The following MPND variants were observed in gnomAD, a reference collection of about 807,000 sequenced individuals.
MPND encodes the protein MPN domain-containing protein.
MPND carries 56 observed loss-of-function variants against 59.2 expected under a neutral mutation model. The observed-to-expected ratio is 0.95, with a 90% CI of 0.76 to 1.18. The LOEUF (loss-of-function observed/expected upper bound fraction) is 1.18, where lower values mean the gene tolerates loss of function less well. Ranked by LOEUF, MPND falls within the 50% of genes most tolerant of loss-of-function variation. MPND has a pLI of 0.00. For synonymous variants in MPND, 323 were observed against 291.9 expected (o/e 1.11, Z -1.09); for missense variants, 671 against 676.0 (o/e 0.99, Z 0.08).
At chr19:4,349,532 TG>T (rs1021190492) in intron 3 of MPND, among the ~76,000 whole-genome samples, 3 of 150,648 alleles carry the variant, frequency 2.0e-5, no homozygotes, top group Non-Finnish European at 4.4e-5. Context: ...TTTTTTGAGA[TG>T]GAGTGTCGCT....
In MPND at chr19:4,357,254, T is replaced by C; in HGVS notation, c.998T>C (p.Ile333Thr). 6.3e-7 allele frequency: 1 copy of C among 1,594,298 alleles called. No homozygotes were observed. Among genetic ancestry groups the C allele is most frequent in the South Asian group, 1.1e-5 (1 of 88,840 alleles). ...GCTGAGCTGCGCCTCTGTCCCCAGATCTACCAGAGCCTGTTCCTGCGGGGC... is the reference window on the plus strand; with the variant it reads ...GCTGAGCTGCGCCTCTGTCCCCAGACCTACCAGAGCCTGTTCCTGCGGGGC... Reference protein sequence around the residue: ...AETAAAIEEEIYQSLFLRGLS... With the variant: ...AETAAAIEEETYQSLFLRGLS... Residue 333 changes from isoleucine to threonine, a missense_variant and splice_region_variant, in exon 9 of 13, where the codon ATC becomes ACC. By Grantham distance (89) the Ile-to-Thr change is moderately conservative. Coordinates refer to ENST00000599840, the MANE Select transcript of MPND (RefSeq NM_001300862.2).
intron 3 of MPND, among the ~76,000 whole-genome samples, chr19:4,349,215 G>A (rs760655166): frequency 2.0e-5 from 3 of 151,360 alleles, no homozygotes; most frequent in Non-Finnish European, 4.4e-5. Flanking sequence ...CTACAAGGGC[G>A]CGCCACCAAG....
intron 3 of MPND, chr19:4,348,702 G>C (rs1972245385): frequency 6.6e-6 from 1 of 151,436 alleles, no homozygotes; most frequent in Admixed American, 6.6e-5. Context: ...GTGTCGCCCA[G>C]GCTGGAATGC....
In MPND at chr19:4,357,553, A is replaced by T; in HGVS notation, c.1204A>T (p.Ile402Phe). ...TGGCAACCCAGGCCCCGAGTCCAAG[A>T]TCTCACCTTTCTGGGTGATGCCTCC... ...YSGNPGPESK[I>F]SPFWVMPPPE... The change falls in exon 10 of 13, where the codon ATC becomes TTC. Residue 402 changes from isoleucine (I) to phenylalanine (F), a missense_variant. By Grantham distance (21) the Ile-to-Phe change is conservative. Coordinates refer to ENST00000599840, the MANE Select transcript of MPND (RefSeq NM_001300862.2). The T allele has an allele frequency of 1.2e-6, 2 of 1,613,538 alleles. No individual in the cohort carries two copies. The highest frequency in any genetic ancestry group is 1.7e-6 in the Non-Finnish European group (2 of 1,179,796).
intron 8 of MPND, 102 bp downstream of exon 8, chr19:4,355,275 G>A (rs1450693401): frequency 1.6e-5 from 19 of 1,201,152 alleles, no homozygotes; most frequent in South Asian, 7.8e-5. Context: ...CCCAGCAACC[G>A]TGCAGGTGAG....
intron 3 of MPND, among the ~76,000 whole-genome samples, chr19:4,346,326 G>T (rs1213922811): frequency 6.6e-6 from 1 of 152,196 alleles, no homozygotes; most frequent in Non-Finnish European, 1.5e-5. Flanking sequence ...GACCAGAGGG[G>T]CACTGGGGGA....
rs552048325 is a variant in MPND at position 4,354,971 on chromosome 19, G to A, written c.869G>A (p.Arg290Gln). 5.5e-5 allele frequency: 89 copies of A among 1,603,916 alleles called. 2 individuals are homozygous for A. In the South Asian group the frequency reaches 7.9e-4, roughly 14 times the overall value. Reference sequence around the variant, plus strand: ...CAGGACTTCCACAGTCACCTGACACGGAGTGAGGTCGTGGGTTACCTGGGG... The same window carrying A: ...CAGGACTTCCACAGTCACCTGACACAGAGTGAGGTCGTGGGTTACCTGGGG... ...FLLDFHSHLTRSEVVGYLGGR... is the reference protein window; with the variant it reads ...FLLDFHSHLTQSEVVGYLGGR... The change falls in exon 7 of 13, where the codon CGG becomes CAG. Residue 290 changes from arginine to glutamine, a missense_variant. By Grantham distance (43) the Arg-to-Gln change is conservative. Coordinates refer to ENST00000599840, the MANE Select transcript of MPND (RefSeq NM_001300862.2).
At chr19:4,354,484 G>A (rs1485139158) in intron 6 of MPND, 64 bp downstream of exon 6, 1 of 1,341,572 alleles carries the variant, frequency 7.5e-7, no homozygotes, top group Non-Finnish European at 1.0e-6. Flanking sequence ...CAGCGGGCGG[G>A]GCTCCCCTGC....
At chr19:4,350,243 G>A (rs1056550955) in intron 3 of MPND, among the ~76,000 whole-genome samples, 6 of 152,136 alleles carry the variant, frequency 3.9e-5, no homozygotes, top group Non-Finnish European at 8.8e-5. Context: ...TGTGTGGCTG[G>A]AGCCGAGTGA....
chr19:4,352,882 C>G lies in MPND; in HGVS notation c.532-15C>G, dbSNP rs527763222. 7.4e-7 allele frequency: 1 copy of G among 1,359,242 alleles called. No individual in the cohort carries two copies. The highest frequency in any genetic ancestry group is 1.5e-5 in the African/African-American group (1 of 67,008). 84.2% of individuals were successfully genotyped at this position (1,359,242 alleles called of 1,614,324 possible). A position where few individuals can be genotyped will look rare whatever the true frequency, so the allele number is the denominator to read the frequency against. On this transcript the variant is annotated splice_polypyrimidine_tract_variant and intron_variant, in intron 3 of 12. Coordinates refer to ENST00000599840, the MANE Select transcript of MPND (RefSeq NM_001300862.2). ...TGAGGGTCCCACCGCTGTCCCTGAC[C>G]CCTAACCCCTGCAGAGCCCAGCCAG... is the stretch of plus-strand genomic sequence containing the variant.
rs1029146411 is a variant in MPND, at chr19:4,343,627, C to A, written c.7+27C>A. The A allele has an allele frequency of 1.8e-5, 14 of 779,764 alleles. No homozygotes were observed. The African/African-American group carries it at 2.2e-4, about 12-fold the overall frequency. 48.3% of individuals were successfully genotyped at this position (779,764 alleles called of 1,614,324 possible). Reference sequence around the variant, plus strand: ...TACGGCGGGCCCAGCGGGGCGGAGGCGCGGGGCGCGGGGCTGCAGGGGCGC... The same window carrying A: ...TACGGCGGGCCCAGCGGGGCGGAGGAGCGGGGCGCGGGGCTGCAGGGGCGC... On this transcript the variant is annotated intron_variant, in intron 1 of 12. Coordinates refer to ENST00000599840, the MANE Select transcript of MPND (RefSeq NM_001300862.2).
rs1972175637 is a variant in MPND, at chr19:4,345,890, C to G, written c.440C>G (p.Ser147Cys). ...PAKKSGCGWA[S>C]VKYKGQKLDK... ...AAGAAGTCGGGCTGTGGCTGGGCCT[C>G]TGTCAAGTACAAAGGCCAGAAACTG... Residue 147 changes from serine to cysteine, a missense_variant, in exon 3 of 13, where the codon TCT (serine) becomes TGT (cysteine). Coordinates refer to ENST00000599840, the MANE Select transcript of MPND (RefSeq NM_001300862.2). 6.2e-7 allele frequency: 1 copy of G among 1,613,988 alleles called. No homozygotes were observed. Among genetic ancestry groups the G allele is most frequent in the Non-Finnish European group, 8.5e-7 (1 of 1,180,036 alleles).
At chr19:4,347,897 GT>G (rs10668030) in intron 3 of MPND, 272 of 158,722 alleles carry the variant, frequency 1.7e-3, no homozygotes, top group South Asian at 6.2e-3. Flanking sequence ...GTTTTTTTTT[GT>G]TTTTTTTTTT....
intron 3 of MPND, among the ~76,000 whole-genome samples, chr19:4,352,556 T>C (rs1019932505): frequency 6.6e-5 from 10 of 151,416 alleles, no homozygotes; most frequent in African/African-American, 2.4e-4. Context: ...TGGTGGTGCA[T>C]GCCTGTAACC....
Position 4,352,841 on chromosome 19 carries a change from CG to C in MPND, c.532-49del, listed in dbSNP as rs67576371. 1.4e-5 allele frequency: 18 copies of C among 1,299,200 alleles called. 1 individual carries two copies. In the South Asian group the frequency reaches 1.6e-4, roughly 11 times the overall value. The allele number at this position is 1,299,200 out of a possible 1,614,324, so 80.5% of individuals were successfully genotyped here. A position where few individuals can be genotyped will look rare whatever the true frequency, so the allele number is the denominator to read the frequency against. On this transcript the variant is annotated intron_variant, in intron 3 of 12. Transcript: ENST00000599840. The stretch of plus-strand genomic sequence containing the variant: ...GGCTGGGGTGGGATTTAGCAGGGAG[CG>C]GGGGGGCACCCAGCTGAGGGTCCCA...
chr19:4,345,123 C>T (rs950673768), intron 2 of MPND, among the ~76,000 whole-genome samples: 1 of 144,814 alleles, frequency 6.9e-6, no homozygotes, highest in Non-Finnish European at 1.5e-5. Context: ...TCTCGGCTCA[C>T]TGCAACCTCT....
intron 5 of MPND, 57 bp from the exon 6 acceptor site, chr19:4,354,267 G>A: frequency 6.6e-7 from 1 of 1,516,738 alleles, no homozygotes; most frequent in Non-Finnish European, 9.0e-7. Flanking sequence ...GTCAGTGTGG[G>A]GGCGAGGGAA....
intron 6 of MPND, 114 bp from the exon 7 acceptor site, chr19:4,354,835 G>A: frequency 8.9e-7 from 1 of 1,122,614 alleles, no homozygotes; most frequent in South Asian, 1.6e-5. Flanking sequence ...CTGCCCTCCA[G>A]CCTGGGCGAC....
chr19:4,344,091 G>T (rs947770135), intron 2 of MPND, 97 bp downstream of exon 2: 116 of 925,288 alleles, frequency 1.3e-4, no homozygotes, highest in Non-Finnish European at 1.5e-4. Flanking sequence ...TCAGTGTAGG[G>T]AGGGGACACT....
Sources: gnomAD v4.1 joint callset for allele counts (sites outside exome capture counted in the v4.1 genomes callset) on GRCh38, gnomAD v4.1.1 for gene constraint, MANE v1.5 for transcripts, NCBI Gene and HGNC (gene_info 2026-07-23, HGNC 2026-07-21) for gene names.